Variants in BRCA1 observed in about 807,000 individuals in gnomAD.
BRCA1 encodes the protein breast cancer type 1 susceptibility protein.
BRCA1 carries 140 observed loss-of-function variants against 173.7 expected under a neutral mutation model. The ratio of observed to expected loss-of-function variants is 0.81; its 90% CI spans 0.70 to 0.93. The LOEUF (loss-of-function observed/expected upper bound fraction) is 0.93. BRCA1 is among the 40% of genes least tolerant of loss of function. BRCA1 has a pLI of 0.00. For missense variants in BRCA1, 1,983 were observed against 2,172.5 expected (o/e 0.91, Z 1.73); for synonymous variants, 662 against 756.0 (o/e 0.88, Z 2.04).
intron 1 of BRCA1, among the ~76,000 whole-genome samples, chr17:43,157,526 G>A (rs200054789): frequency 6.6e-6 from 1 of 151,528 alleles, no homozygotes; most frequent in African/African-American, 2.4e-5. Flanking sequence ...GTGAAACCCC[G>A]TCTCTACTAA....
intron 1 of BRCA1, among the ~76,000 whole-genome samples, chr17:43,157,886 C>T (rs2056207871): frequency 6.6e-6 from 1 of 151,710 alleles, no homozygotes; most frequent in Non-Finnish European, 1.5e-5. Context: ...ATCCCAGCTA[C>T]TCCGGAGGCT....
Position 43,090,589 on chromosome 17 carries a change from G to A in BRCA1, c.4185+355C>T, listed in dbSNP as rs148953585. Among the ~76,000 whole-genome samples, 413 of 152,298 alleles carry A rather than the reference G, an allele frequency of 2.7e-3. 1 individual carries two copies. The highest frequency in any genetic ancestry group is 9.3e-3 in the African/African-American group (387 of 41,562). ...GGGGTTTCACCATGTTGGCCAGGCT[G>A]GTCTCAAACTTCTGACCTGAGGTGA... On this transcript the variant is annotated intron_variant, in intron 11 of 22. Transcript: ENST00000357654.
At chr17:43,095,753 G>T in intron 9 of BRCA1, 93 bp downstream of exon 9, 2 of 1,043,372 alleles carry the variant, frequency 1.9e-6, no homozygotes, top group South Asian at 1.3e-5. Flanking sequence ...GGGTTGTAAA[G>T]GTCCCAAATG....
intron 1 of BRCA1, chr17:43,132,693 T>G (rs1281226369): frequency 1.3e-5 from 2 of 152,000 alleles, no homozygotes; most frequent in Non-Finnish European, 2.9e-5. Context: ...TTCTCCTGCT[T>G]CAGCCTCCCG....
Position 43,045,354 on chromosome 17 carries a change from G to A in BRCA1, c.*324C>T. The A allele has an allele frequency of 1.7e-6, 1 of 585,146 alleles. No homozygotes were observed. Among genetic ancestry groups the A allele is most frequent in the Non-Finnish European group, 3.2e-6 (1 of 310,820 alleles). The allele number at this position is 585,146 out of a possible 1,614,324, so 36.2% of individuals were successfully genotyped here. A position where few individuals can be genotyped will look rare whatever the true frequency, so the allele number is the denominator to read the frequency against. On this transcript the variant is annotated 3_prime_UTR_variant, in exon 23 of 23. Transcript: ENST00000357654. The stretch of plus-strand genomic sequence containing the variant: ...TGCTTCCAGCCCTAAGCCAACAACA[G>A]CCTGAATAGAAAGAATAGGGCTGAT...
intron 2 of BRCA1, among the ~76,000 whole-genome samples, chr17:43,122,445 G>C (rs1353039728): frequency 6.6e-6 from 1 of 152,214 alleles, no homozygotes; most frequent in Non-Finnish European, 1.5e-5. Flanking sequence ...CCATCCTGGA[G>C]TTTACATTCT....
At chr17:43,131,193 G>A in intron 1 of BRCA1, 1 of 262,126 alleles carries the variant, frequency 3.8e-6, no homozygotes, top group South Asian at 4.3e-5. Flanking sequence ...CTTTAAATGT[G>A]TATTTCTTTT....
At chr17:43,122,460 G>A (rs577180051) in intron 2 of BRCA1, among the ~76,000 whole-genome samples, 1 of 152,160 alleles carries the variant, frequency 6.6e-6, no homozygotes, top group Non-Finnish European at 1.5e-5. Context: ...CATTCTGTGG[G>A]ACTAGAGATA....
rs799918 is a variant in BRCA1, at chr17:43,098,010, G to C, written c.548-721C>G. 0.08 allele frequency among the ~76,000 whole-genome samples: 11,994 copies of C among 150,006 alleles called. 1,629 individuals carry two copies. Among genetic ancestry groups the C allele is most frequent in the African/African-American group, 0.28 (11,382 of 41,006 alleles). The stretch of plus-strand genomic sequence containing the variant: ...AAAATCCAATTTGAGAGCCCAGTTT[G>C]AATTCTGAGCTCAGCAGCTCTTTTT... On this transcript the variant is annotated intron_variant, in intron 7 of 22. Transcript: ENST00000357654.
At chr17:43,111,735 T>C (rs1244503726) in intron 3 of BRCA1, among the ~76,000 whole-genome samples, 2 of 151,974 alleles carry the variant, frequency 1.3e-5, no homozygotes, top group African/African-American at 4.8e-5. Flanking sequence ...GGCAGGAGAA[T>C]GGTGTGAACC....
At position 43,104,257 on chromosome 17, in the gene BRCA1, T is replaced by G; in HGVS notation, c.306A>C (p.Ala102=). The part of the protein sequence containing the change: ...AFQLDTGLEY[A]NSYNFAKKEN... ...CCTTTTTTGCAAAATTATAGCTGTT[T>G]GCATCTGTAAAATACAAGGGAAAAC... The change falls in exon 6 of 23, where the codon GCA becomes GCC. Residue 102 remains alanine (A), a synonymous_variant. Coordinates refer to ENST00000357654, the MANE Select transcript of BRCA1 (RefSeq NM_007294.4). 6.2e-7 allele frequency: 1 copy of G among 1,609,816 alleles called. No homozygotes were observed. Among genetic ancestry groups the G allele is most frequent in the Non-Finnish European group, 8.5e-7 (1 of 1,176,506 alleles).
chr17:43,170,245 T>TA (rs1416651463), upstream of BRCA1: 1 of 177,732 alleles, frequency 5.6e-6, no homozygotes, highest in East Asian at 1.8e-4. Context: ...TCCCACGCTT[T>TA]ACTGTTGCCA....
At chr17:43,142,279 G>C (rs573627901) in intron 1 of BRCA1, among the ~76,000 whole-genome samples, 8 of 152,250 alleles carry the variant, frequency 5.3e-5, no homozygotes, top group African/African-American at 1.9e-4. Context: ...GAGCTGGTGT[G>C]GGGGAGTTTC....
At chr17:43,082,780 G>GAA (rs532945782) in intron 11 of BRCA1, 1 of 606,898 alleles carries the variant, frequency 1.6e-6, no homozygotes, top group East Asian at 2.8e-5. Context: ...GTTAGTGAGG[G>GAA]AAAAAATCCT....
At chr17:43,082,088 T>C (rs1323106068) in intron 12 of BRCA1, among the ~76,000 whole-genome samples, 8 of 152,192 alleles carry the variant, frequency 5.3e-5, no homozygotes, top group African/African-American at 1.9e-4. Context: ...AATTATGGGG[T>C]TGCCTGTCAC....
intron 1 of BRCA1, chr17:43,169,876 T>G: frequency 5.4e-6 from 2 of 369,518 alleles, no homozygotes. Context: ...AGTCACGTTT[T>G]TTTCCCCCCC....
At position 43,091,709 on chromosome 17, in the gene BRCA1, T is replaced by G. The variant is rs372396487; in HGVS notation, c.3822A>C (p.Val1274=). ...GTTCCTGAGATGCCTTTGCCAATAT[T>G]ACCTGGTTACTGCAGTCATTTAAGC... is the stretch of plus-strand genomic sequence containing the variant. ...KNSLNDCSNQ[V]ILAKASQEHH... is the part of the protein sequence containing the mutation. Residue 1274 remains valine (V), a synonymous_variant, in exon 10 of 23, where the codon GTA becomes GTC. Transcript: ENST00000357654. 29 of 1,614,128 alleles carry G rather than the reference T, an allele frequency of 1.8e-5. No individual in the cohort carries two copies. The South Asian group carries it at 2.4e-4, about 13-fold the overall frequency.
intron 15 of BRCA1, among the ~76,000 whole-genome samples, chr17:43,067,906 A>AG (rs1187233171): frequency 1.3e-5 from 2 of 149,598 alleles, no homozygotes; most frequent in Non-Finnish European, 3.0e-5. Flanking sequence ...AAAAAAAAAA[A>AG]AAAAAATAGA....
In BRCA1 at chr17:43,092,176, T is replaced by A. The variant is rs80356949; in HGVS notation, c.3355A>T (p.Thr1119Ser). Residue 1119 changes from threonine (T) to serine (S), a missense_variant, in exon 10 of 23, where the codon ACT (threonine) becomes TCT (serine). Transcript: ENST00000357654. ...TATGGAGAGAAATCTGTATTAACAG[T>A]CTGAACTACTTCTTCATATTCTTGC... Reference protein sequence around the residue: ...KKQEYEEVVQTVNTDFSPYLI... With the variant: ...KKQEYEEVVQSVNTDFSPYLI... 1.2e-5 allele frequency: 20 copies of A among 1,613,288 alleles called. No individual in the cohort carries two copies. Among genetic ancestry groups the A allele is most frequent in the Non-Finnish European group, 1.6e-5 (19 of 1,179,960 alleles).
Sources: gnomAD v4.1 joint callset for allele counts (sites outside exome capture counted in the v4.1 genomes callset) on GRCh38, gnomAD v4.1.1 for gene constraint, MANE v1.5 for transcripts, NCBI Gene and HGNC (gene_info 2026-07-23, HGNC 2026-07-21) for gene names.